Variants in VRK2 observed in about 807,000 individuals in gnomAD.
VRK2 encodes serine/threonine-protein kinase VRK2.
A neutral mutation model predicts 57.6 loss-of-function variants in VRK2; 60 were observed. That is an observed-to-expected ratio of 1.04 (90% CI 0.85 to 1.29). The LOEUF is 1.29. VRK2 is among the 50% of genes most tolerant of loss of function. VRK2 has a pLI of 0.00. For missense variants in VRK2, 705 were observed against 588.1 expected (o/e 1.20, Z -2.06); for synonymous variants, 231 against 199.2 (o/e 1.16, Z -1.35).
In VRK2 at chr2:57,942,795, G is replaced by C. The variant is rs571651651; in HGVS notation, c.-439+34956G>C. Among the ~76,000 whole-genome samples, 15 of 152,256 alleles carry C rather than the reference G, an allele frequency of 9.9e-5. 1 individual carries two copies. The South Asian group carries it at 3.1e-3, about 32-fold the overall frequency. Reference sequence around the variant, plus strand: ...ATATTATCCAGGTGCCAGGATGAGAGGGAAAATGATACTTCAGTTTACAGT... The same window carrying C: ...ATATTATCCAGGTGCCAGGATGAGACGGAAAATGATACTTCAGTTTACAGT... On this transcript the variant is annotated intron_variant, in intron 1 of 15. Coordinates refer to the VRK2 transcript ENST00000417641.
chr2:58,095,077 C>G (rs752707274), intron 7 of VRK2, among the ~76,000 whole-genome samples: 4 of 152,030 alleles, frequency 2.6e-5, no homozygotes, highest in African/African-American at 4.8e-5. Flanking sequence ...AGGTGGATCA[C>G]GAGGTCAGGA....
chr2:58,101,900 A>G (rs976835998), intron 7 of VRK2, among the ~76,000 whole-genome samples: 3 of 151,734 alleles, frequency 2.0e-5, no homozygotes, highest in African/African-American at 4.8e-5. Flanking sequence ...TAAGCATTCA[A>G]TAAGTGATGA....
rs545970642 is a variant in VRK2, at chr2:58,117,093, G to A, written c.544-6008G>A. On this transcript the variant is annotated intron_variant, in intron 7 of 12. Coordinates refer to ENST00000340157, the MANE Select transcript of VRK2 (RefSeq NM_006296.7). ...AATTTTTGGAGTTTTATTTAATGTC[G>A]GGAGCAGATTGGGTAATAAAATGTA... is the stretch of plus-strand genomic sequence containing the variant. 6.7e-3 allele frequency among the ~76,000 whole-genome samples: 1,020 copies of A among 152,192 alleles called. 3 individuals are homozygous for A. Among genetic ancestry groups the A allele is most frequent in the Non-Finnish European group, 0.011 (782 of 68,006 alleles).
intron 3 of VRK2, among the ~76,000 whole-genome samples, chr2:58,037,673 A>C (rs1674319646): frequency 1.3e-5 from 2 of 152,260 alleles, no homozygotes; most frequent in African/African-American, 2.4e-5. Flanking sequence ...GGAGATATTT[A>C]CTATGCTAGG....
chr2:58,058,712 A>G (rs1676899425), intron 2 of VRK2, among the ~76,000 whole-genome samples: 1 of 152,090 alleles, frequency 6.6e-6, no homozygotes, highest in East Asian at 1.9e-4. Context: ...AAGTACTAAA[A>G]TCCTTCACTT....
chr2:58,032,445 T>C (rs1328761582), intron 2 of VRK2, among the ~76,000 whole-genome samples: 2 of 152,050 alleles, frequency 1.3e-5, no homozygotes, highest in African/African-American at 4.8e-5. Context: ...AAAAGGGAAG[T>C]GAGCCCTCTG....
At chr2:58,087,410 T>C (rs1008849570) in intron 5 of VRK2, among the ~76,000 whole-genome samples, 1 of 152,214 alleles carries the variant, frequency 6.6e-6, no homozygotes, top group African/African-American at 2.4e-5. Flanking sequence ...ATTAGAGCTA[T>C]ACTAGTTGCC....
chr2:58,028,866 C>A (rs1674016637), intron 2 of VRK2, among the ~76,000 whole-genome samples: 1 of 127,776 alleles, frequency 7.8e-6, no homozygotes, highest in African/African-American at 2.9e-5. Flanking sequence ...GCACATGTAC[C>A]CTAGAACTTA....
intron 2 of VRK2, among the ~76,000 whole-genome samples, chr2:58,054,009 T>C (rs1239690178): frequency 1.3e-5 from 2 of 152,114 alleles, no homozygotes; most frequent in Non-Finnish European, 2.9e-5. Flanking sequence ...TTTAATACGT[T>C]TGTTGGACTT....
At chr2:58,102,962 TAAAC>T (rs944903033) in intron 7 of VRK2, among the ~76,000 whole-genome samples, 2 of 151,676 alleles carry the variant, frequency 1.3e-5, no homozygotes, top group Non-Finnish European at 3.0e-5. Context: ...ACATGGAAAT[TAAAC>T]AACACATTCC....
At chr2:57,912,251 G>A (rs35705591) in intron 1 of VRK2, among the ~76,000 whole-genome samples, 2,900 of 152,274 alleles carry the variant, frequency 0.019, 29 homozygotes, top group Middle Eastern at 0.031. Flanking sequence ...AGATCTACAA[G>A]TGAACAAGCC....
At chr2:57,980,057 G>A (rs542182082) in intron 1 of VRK2, among the ~76,000 whole-genome samples, 1 of 151,924 alleles carries the variant, frequency 6.6e-6, no homozygotes, top group Non-Finnish European at 1.5e-5. Flanking sequence ...TTTGATTTTG[G>A]TTATTTCTTT....
At chr2:57,931,431 T>C (rs1466810637) in intron 1 of VRK2, among the ~76,000 whole-genome samples, 1 of 152,198 alleles carries the variant, frequency 6.6e-6, no homozygotes, top group East Asian at 1.9e-4. Context: ...TTGAGGAATA[T>C]CTATTCAGAT....
At chr2:58,143,312 A>G (rs1371213) in intron 11 of VRK2, among the ~76,000 whole-genome samples, 9,918 of 151,998 alleles carry the variant, frequency 0.065, 1,080 homozygotes, top group African/African-American at 0.23. Context: ...TACTTTCTTG[A>G]AAATATCACA....
intron 1 of VRK2, among the ~76,000 whole-genome samples, chr2:57,971,456 T>C (rs1009429554): frequency 3.3e-5 from 5 of 151,980 alleles, no homozygotes; most frequent in African/African-American, 1.2e-4. Context: ...TCCCTTGAAA[T>C]TCAGCTTCCA....
At chr2:57,938,351 GAC>G (rs1374613101) in intron 1 of VRK2, among the ~76,000 whole-genome samples, 1 of 152,172 alleles carries the variant, frequency 6.6e-6, no homozygotes, top group Non-Finnish European at 1.5e-5. Context: ...CCATGGGCAA[GAC>G]ACAGTCTTGG....
chr2:58,136,880 TATC>T (rs1445539837), intron 10 of VRK2, among the ~76,000 whole-genome samples: 1 of 117,002 alleles, frequency 8.5e-6, no homozygotes, highest in East Asian at 2.4e-4. Flanking sequence ...TCATATATTA[TATC>T]ATATATATGT....
chr2:58,046,816 C>A lies in VRK2; in HGVS notation c.-58C>A, dbSNP rs906283914. On this transcript the variant is annotated 5_prime_UTR_variant, in exon 1 of 13. Coordinates refer to ENST00000340157, the MANE Select transcript of VRK2 (RefSeq NM_006296.7). Reference sequence around the variant, plus strand: ...GCCCGGGGGCTCCGCCTCGTCGCAGCGGCAGGTAGGAGGCGGTGCGCGCGG... The same window carrying A: ...GCCCGGGGGCTCCGCCTCGTCGCAGAGGCAGGTAGGAGGCGGTGCGCGCGG... The A allele has an allele frequency of 1.0e-6, 1 of 985,514 alleles. No individual in the cohort carries two copies. The highest frequency in any genetic ancestry group is 1.7e-5 in the African/African-American group (1 of 57,242). 61.0% of individuals were successfully genotyped at this position (985,514 alleles called of 1,614,324 possible). A position where few individuals can be genotyped will look rare whatever the true frequency, so the allele number is the denominator to read the frequency against.
chr2:58,080,695 T>C (rs982444358), intron 2 of VRK2, among the ~76,000 whole-genome samples: 3 of 151,878 alleles, frequency 2.0e-5, no homozygotes, highest in Non-Finnish European at 2.9e-5. Flanking sequence ...TTTGTACTTA[T>C]TAATTTATTT....
Sources: gnomAD v4.1 joint callset for allele counts (sites outside exome capture counted in the v4.1 genomes callset) on GRCh38, gnomAD v4.1.1 for gene constraint, MANE v1.5 for transcripts, NCBI Gene and HGNC (gene_info 2026-07-23, HGNC 2026-07-21) for gene names.